EFCAB6: variants seen among roughly 807,000 people sequenced by gnomAD.
EFCAB6 encodes the protein EF-hand calcium binding domain 6.
Under a neutral mutation model 169.8 loss-of-function variants are expected in EFCAB6, and 156 were observed. The observed-to-expected ratio is 0.92, with a 90% CI of 0.81 to 1.05. The LOEUF is 1.05. Ranked by LOEUF, EFCAB6 falls within the 50% of genes least tolerant of loss-of-function variation. The pLI, the probability that EFCAB6 is intolerant of heterozygous loss-of-function variation, is 0.00. For missense variants in EFCAB6, 1,800 were observed against 1,829.1 expected, an observed-to-expected ratio of 0.98 and a Z score of 0.29; for synonymous variants, 698 against 676.4, an observed-to-expected ratio of 1.03 and a Z score of -0.50.
chr22:43,696,289 A>AC (rs137807), intron 10 of EFCAB6, among the ~76,000 whole-genome samples: 92,346 of 151,854 alleles, frequency 0.61, 28,797 homozygotes, highest in African/African-American at 0.72. Flanking sequence ...CTAAAATAAG[A>AC]TGGCAATAGC....
At chr22:43,683,909 T>C (rs910350815) in intron 11 of EFCAB6, 54 bp from the exon 12 acceptor site, 59 of 1,413,054 alleles carry the variant, frequency 4.2e-5, no homozygotes, top group Non-Finnish European at 5.4e-5. Context: ...TGAACTTTGT[T>C]CTTTTCTTAA....
chr22:43,535,078 C>T (rs928604931), intron 29 of EFCAB6: 4 of 574,672 alleles, frequency 7.0e-6, no homozygotes, highest in South Asian at 2.1e-5. Context: ...CCCTGAGTCC[C>T]GCTGGCCCAC....
chr22:43,782,547 G>A (rs2061863130), intron 2 of EFCAB6, among the ~76,000 whole-genome samples: 1 of 152,142 alleles, frequency 6.6e-6, no homozygotes, highest in Admixed American at 6.5e-5. Flanking sequence ...TTCAAAAACG[G>A]CAAAATAAAG....
rs182558686 is a variant in EFCAB6, at chr22:43,743,885, T to C, written c.508-7892A>G. Among the ~76,000 whole-genome samples the C allele has an allele frequency of 4.8e-3, 717 of 150,848 alleles. 4 individuals are homozygous for C. Among genetic ancestry groups the C allele is most frequent in the Non-Finnish European group, 7.7e-3 (518 of 67,676 alleles). ...TTAAGTGGATGGATGGATGGGTGGG[T>C]GAGTGGATGGATGGATGGGTGGGTG... On this transcript the variant is annotated intron_variant, in intron 6 of 31. Coordinates refer to ENST00000262726, the MANE Select transcript of EFCAB6 (RefSeq NM_022785.4).
chr22:43,727,463 C>G (rs779234831), intron 8 of EFCAB6, among the ~76,000 whole-genome samples: 2 of 152,046 alleles, frequency 1.3e-5, no homozygotes, highest in Non-Finnish European at 2.9e-5. Context: ...TTTAAAAATT[C>G]TTAAAATTGT....
At chr22:43,730,120 T>C (rs2059884774) in intron 8 of EFCAB6, among the ~76,000 whole-genome samples, 1 of 147,310 alleles carries the variant, frequency 6.8e-6, no homozygotes, top group African/African-American at 2.5e-5. Context: ...AGGTTGAGGC[T>C]GCAGTGAGCT....
At chr22:43,633,364 A>T (rs1189349895) in intron 18 of EFCAB6, among the ~76,000 whole-genome samples, 1 of 152,230 alleles carries the variant, frequency 6.6e-6, no homozygotes, top group Admixed American at 6.5e-5. Flanking sequence ...CCTGGCCAAC[A>T]TGGTGAAACC....
chr22:43,644,832 C>G (rs137744), intron 17 of EFCAB6, among the ~76,000 whole-genome samples: 28,750 of 152,164 alleles, frequency 0.19, 3,578 homozygotes, highest in African/African-American at 0.36. Context: ...GCTTCAAAAA[C>G]TGAGACTGAG....
In EFCAB6 at chr22:43,620,270, C is replaced by T. The variant is rs2054026823; in HGVS notation, c.2466-4348G>A. 5.9e-5 allele frequency among the ~76,000 whole-genome samples: 9 copies of T among 151,832 alleles called. No homozygotes were observed. In the South Asian group the frequency reaches 1.9e-3, roughly 32 times the overall value. ...GCTGCAGTGAGCTGTGATCGCACCA[C>T]CACGCTCCAGTCTGGGTGACAGAGT... On this transcript the variant is annotated intron_variant, in intron 20 of 31. Coordinates refer to ENST00000262726, the MANE Select transcript of EFCAB6 (RefSeq NM_022785.4).
chr22:43,616,434 G>A (rs537540717), intron 20 of EFCAB6, among the ~76,000 whole-genome samples: 49 of 152,294 alleles, frequency 3.2e-4, no homozygotes, highest in African/African-American at 1.2e-3. Context: ...AGGCCAAGGC[G>A]GGTGGATGAC....
chr22:43,723,381 C>T (rs1255409889), intron 8 of EFCAB6, among the ~76,000 whole-genome samples: 1 of 152,076 alleles, frequency 6.6e-6, no homozygotes, highest in African/African-American at 2.4e-5. Flanking sequence ...ATGCTCACTA[C>T]CTGGGTGCAG....
chr22:43,783,360 A>G (rs2061899876), intron 2 of EFCAB6, among the ~76,000 whole-genome samples: 1 of 152,228 alleles, frequency 6.6e-6, no homozygotes, highest in African/African-American at 2.4e-5. Flanking sequence ...CACTCAGTAC[A>G]CAGAGCTAGA....
chr22:43,590,014 C>G lies in EFCAB6; in HGVS notation c.3032+60G>C. The G allele has an allele frequency of 3.2e-6, 5 of 1,567,080 alleles. No homozygotes were observed. In the Admixed American group the frequency reaches 7.3e-5, roughly 23 times the overall value. ...GGCGGACATACAGAAGAAACAAAGG[C>G]AATTCTCCAGTATGTTTTTCAGGGC... On this transcript the variant is annotated intron_variant, in intron 24 of 31. Transcript: ENST00000262726.
intron 25 of EFCAB6, among the ~76,000 whole-genome samples, chr22:43,578,210 C>T (rs1338806067): frequency 6.6e-6 from 1 of 152,124 alleles, no homozygotes; most frequent in Non-Finnish European, 1.5e-5. Flanking sequence ...CTCAGTTTCC[C>T]CTCCTGTAGA....
At chr22:43,749,846 C>T (rs2060693484) in intron 6 of EFCAB6, among the ~76,000 whole-genome samples, 1 of 152,190 alleles carries the variant, frequency 6.6e-6, no homozygotes, top group African/African-American at 2.4e-5. Context: ...GTGCCCAGCA[C>T]TACGGTGAGT....
intron 11 of EFCAB6, among the ~76,000 whole-genome samples, chr22:43,685,323 G>T (rs1482737556): frequency 1.3e-5 from 2 of 152,000 alleles, no homozygotes; most frequent in Non-Finnish European, 2.9e-5. Context: ...TTAGTGTGTG[G>T]GTCTGTGGGG....
intron 10 of EFCAB6, among the ~76,000 whole-genome samples, chr22:43,696,411 A>G (rs1473895373): frequency 1.3e-5 from 2 of 152,082 alleles, no homozygotes; most frequent in Admixed American, 6.5e-5. Context: ...TTAAACATAC[A>G]CTCACCATGC....
chr22:43,678,277 T>C, intron 12 of EFCAB6, 114 bp from the exon 13 acceptor site: 1 of 988,046 alleles, frequency 1.0e-6, no homozygotes, highest in Non-Finnish European at 1.5e-6. Flanking sequence ...CAAATAGAAT[T>C]ATGATTGGAA....
chr22:43,554,949 T>C lies in EFCAB6; in HGVS notation c.3568A>G (p.Thr1190Ala). The change falls in exon 27 of 32, where the codon ACC (threonine) becomes GCC (alanine). Residue 1190 changes from threonine to alanine, a missense_variant. Transcript: ENST00000262726. ...AITQEFENFD[T>A]MKTNTISREE... ...CTGGAGATGGTGTTCGTTTTCATGG[T>C]GTCAAAATTCTCAAACTCCTGGGTG... 5 of 1,614,126 alleles carry C rather than the reference T, an allele frequency of 3.1e-6. No individual in the cohort carries two copies. Among genetic ancestry groups the C allele is most frequent in the Non-Finnish European group, 4.2e-6 (5 of 1,180,016 alleles).
Sources: gnomAD v4.1 joint callset for allele counts (sites outside exome capture counted in the v4.1 genomes callset) on GRCh38, gnomAD v4.1.1 for gene constraint, MANE v1.5 for transcripts, NCBI Gene and HGNC (gene_info 2026-07-23, HGNC 2026-07-21) for gene names.